ADAM28: variants seen among roughly 807,000 people sequenced by gnomAD.
The protein encoded by ADAM28 is disintegrin and metalloproteinase domain-containing protein 28.
A neutral mutation model predicts 101.2 loss-of-function variants in ADAM28; 105 were observed. That is an observed-to-expected ratio of 1.04 (90% CI 0.89 to 1.22). The LOEUF (loss-of-function observed/expected upper bound fraction) is 1.22, where lower values mean the gene tolerates loss of function less well. Ranked by LOEUF, ADAM28 falls within the 50% of genes most tolerant of loss-of-function variation. The pLI is 0.00. For missense variants in ADAM28, 1,028 were observed against 945.4 expected (o/e 1.09, Z -1.15); for synonymous variants, 322 against 310.6 (o/e 1.04, Z -0.39).
chr8:24,304,736 G>T (rs1322717342), intron 2 of ADAM28, among the ~76,000 whole-genome samples: 3 of 151,716 alleles, frequency 2.0e-5, no homozygotes, highest in Non-Finnish European at 4.4e-5. Flanking sequence ...TGTGGTGGTG[G>T]GTACCTCTAA....
intron 10 of ADAM28, 26 bp from the exon 11 acceptor site, chr8:24,329,959 A>C: frequency 6.3e-7 from 1 of 1,592,518 alleles, no homozygotes; most frequent in East Asian, 2.2e-5. Flanking sequence ...AAATCAGAGA[A>C]TCTTTTTCTT....
At chr8:24,306,545 C>T (rs951928618) in intron 2 of ADAM28, among the ~76,000 whole-genome samples, 3 of 151,662 alleles carry the variant, frequency 2.0e-5, no homozygotes, top group Middle Eastern at 3.2e-3. Flanking sequence ...TTCTAAACTC[C>T]TCCATGTGCA....
At chr8:24,306,832 G>A (rs1255333633) in intron 2 of ADAM28, among the ~76,000 whole-genome samples, 2 of 152,098 alleles carry the variant, frequency 1.3e-5, no homozygotes, top group African/African-American at 4.8e-5. Flanking sequence ...CATGATTCCA[G>A]ATTCTGTCCT....
Position 24,300,055 on chromosome 8 carries a change from A to T in ADAM28, c.128A>T (p.Glu43Val). The T allele has an allele frequency of 6.2e-7, 1 of 1,613,724 alleles. No homozygotes were observed. Among genetic ancestry groups the T allele is most frequent in the Non-Finnish European group, 8.5e-7 (1 of 1,179,968 alleles). The change falls in exon 2 of 23, where the codon GAG becomes GTG. Residue 43 changes from glutamate (E) to valine (V), a missense_variant. By Grantham distance (121) the Glu-to-Val change is moderately radical (BLOSUM62 -2). Transcript: ENST00000265769. ...AGACTTCATCCACTGCATAAAAGAGAGGCCAAAGAGCCAGAGCAACAGGTA... is the reference window on the plus strand; with the variant it reads ...AGACTTCATCCACTGCATAAAAGAGTGGCCAAAGAGCCAGAGCAACAGGTA... ...PIRLHPLHKREAKEPEQQEQF... is the reference protein window; with the variant it reads ...PIRLHPLHKRVAKEPEQQEQF...
chr8:24,296,111 G>A (rs1807927808), intron 1 of ADAM28: 2 of 152,228 alleles, frequency 1.3e-5, no homozygotes, highest in Non-Finnish European at 2.9e-5. Context: ...TTTGCGGGGT[G>A]AAGATGTAAA....
chr8:24,351,263 A>C lies in ADAM28; in HGVS notation c.2131A>C (p.Lys711Gln). ...ATCTACCACTGGCACCAGGCCACAC[A>C]AACAGAAGAGGAAACCCCAGATGGT... is the stretch of plus-strand genomic sequence containing the variant. The part of the protein sequence containing the change: ...PLSTTGTRPH[K>Q]QKRKPQMVKA... The change falls in exon 20 of 23, where the codon AAA becomes CAA. Residue 711 changes from lysine (K) to glutamine (Q), a missense_variant. Physicochemically the swap from Lys to Gln is moderately conservative, Grantham distance 53. Coordinates refer to ENST00000265769, the MANE Select transcript of ADAM28 (RefSeq NM_014265.6). 6.2e-7 allele frequency: 1 copy of C among 1,610,444 alleles called. No individual in the cohort carries two copies. Among genetic ancestry groups the C allele is most frequent in the Admixed American group, 1.7e-5 (1 of 59,558 alleles).
intron 8 of ADAM28, among the ~76,000 whole-genome samples, chr8:24,323,600 C>T (rs1238067305): frequency 6.6e-6 from 1 of 151,774 alleles, no homozygotes; most frequent in Non-Finnish European, 1.5e-5. Context: ...CTACCACCCC[C>T]CACCCAAAAA....
chr8:24,341,757 G>GGTAA lies in ADAM28; in HGVS notation c.1830+3_1830+6dup. On this transcript the variant is annotated frameshift_variant and splice_region_variant. Transcript: ENST00000265769. LOFTEE classifies it high-confidence loss of function. ...ATGGAACTAAGTGTGGCGATAACAA[G>GGTAA]GTAAGTTGAAATTGTGGCTTTCACT... 1 of 1,613,204 alleles carries GGTAA rather than the reference G, an allele frequency of 6.2e-7. No homozygotes were observed. The highest frequency in any genetic ancestry group is 8.5e-7 in the Non-Finnish European group (1 of 1,179,572).
At chr8:24,335,779 G>A in intron 14 of ADAM28, 138 bp downstream of exon 14, 1 of 1,316,710 alleles carries the variant, frequency 7.6e-7, no homozygotes, top group Non-Finnish European at 9.7e-7. Flanking sequence ...AAGGTTTTAA[G>A]ATTTGAGGTT....
chr8:24,296,296 A>C (rs76207713), intron 1 of ADAM28: 63 of 152,006 alleles, frequency 4.1e-4, no homozygotes, highest in African/African-American at 1.4e-3. Context: ...AAAATAACAG[A>C]CCTAATAGAA....
In ADAM28 at chr8:24,299,846, C is replaced by T. The variant is rs961043715; in HGVS notation, c.47-128C>T. 3.7e-5 allele frequency: 24 copies of T among 651,914 alleles called. No individual in the cohort carries two copies. In the East Asian group the frequency reaches 5.8e-4, roughly 16 times the overall value. 40.4% of individuals were successfully genotyped at this position (651,914 alleles called of 1,614,324 possible). A position where few individuals can be genotyped will look rare whatever the true frequency, so the allele number is the denominator to read the frequency against. On this transcript the variant is annotated intron_variant, in intron 1 of 22. Transcript: ENST00000265769. ...TCTTCTGGTGTCAGCACATTAATCA[C>T]TCTGACATTCATCACTTCAGGCTTC...
At chr8:24,345,040 AAAC>A (rs1437314318) in intron 18 of ADAM28, among the ~76,000 whole-genome samples, 2 of 151,938 alleles carry the variant, frequency 1.3e-5, no homozygotes, top group South Asian at 4.1e-4. Flanking sequence ...AAAAAAAAAA[AAAC>A]AAGGCCAGAC....
chr8:24,321,355 TG>T (rs778759578), intron 8 of ADAM28, 66 bp downstream of exon 8: 1 of 1,263,578 alleles, frequency 7.9e-7, no homozygotes, highest in African/African-American at 1.5e-5. Flanking sequence ...GGTTTTTCAA[TG>T]AACGCACATG....
At chr8:24,321,373 G>A (rs1482580100) in intron 8 of ADAM28, 84 bp downstream of exon 8, 1 of 1,143,824 alleles carries the variant, frequency 8.7e-7, no homozygotes, top group African/African-American at 1.5e-5. Flanking sequence ...CATGAAGCAT[G>A]GAAGCAAAGT....
intron 1 of ADAM28, among the ~76,000 whole-genome samples, chr8:24,299,462 G>GT (rs11301280): frequency 6.6e-6 from 1 of 152,000 alleles, no homozygotes; most frequent in Non-Finnish European, 1.5e-5. Context: ...CTGTGACATA[G>GT]TTTTTTTTTA....
intron 22 of ADAM28, 128 bp downstream of exon 22, chr8:24,353,960 C>A: frequency 3.5e-6 from 2 of 576,300 alleles, no homozygotes; most frequent in Non-Finnish European, 6.0e-6. Flanking sequence ...GAGATGGGTG[C>A]CAACATGAAA....
intron 16 of ADAM28, among the ~76,000 whole-genome samples, chr8:24,342,212 G>A (rs1220435168): frequency 6.6e-6 from 1 of 152,032 alleles, no homozygotes; most frequent in African/African-American, 2.4e-5. Flanking sequence ...ATCAATTCAC[G>A]AACTTTGACC....
In ADAM28 at chr8:24,306,355, A is replaced by ATATATATATATATATATATATATAT. The variant is rs1489348958; in HGVS notation, c.151-3539_151-3538insTATATATATATATATATATATATAT. On this transcript the variant is annotated intron_variant, in intron 2 of 22. Transcript: ENST00000265769. ...TGAGACTCCATCTCAAATACAAATA[A>ATATATATATATATATATATATATAT]ATAAATAAATATATATATATATATA... 2.1e-4 allele frequency among the ~76,000 whole-genome samples: 23 copies of ATATATATATATATATATATATATAT among 107,768 alleles called. 1 individual carries two copies. Among genetic ancestry groups the ATATATATATATATATATATATATAT allele is most frequent in the Admixed American group, 2.7e-4 (3 of 11,062 alleles). 70.7% of individuals were successfully genotyped at this position (107,768 alleles called of 152,430 possible).
rs1814989385 is a variant in ADAM28 at position 24,343,151 on chromosome 8, C to T, written c.1881C>T (p.Thr627=). 1.9e-6 allele frequency: 3 copies of T among 1,613,802 alleles called. No homozygotes were observed. Among genetic ancestry groups the T allele is most frequent in the Non-Finnish European group, 2.5e-6 (3 of 1,179,812 alleles). ...ATATTGAGAAAGCCTACAAATCAAC[C>T]AATTGCTCATCTAAGTGCAAAGGAC... ...CVDIEKAYKS[T]NCSSKCKGHA... Residue 627 remains threonine (T), a synonymous_variant, in exon 17 of 23, where the codon ACC becomes ACT. Coordinates refer to ENST00000265769, the MANE Select transcript of ADAM28 (RefSeq NM_014265.6).
Sources: allele counts gnomAD v4.1 joint callset (sites outside exome capture counted in the v4.1 genomes callset), GRCh38; gene constraint gnomAD v4.1.1; transcripts MANE v1.5; gene names NCBI Gene and HGNC (gene_info 2026-07-23, HGNC 2026-07-21).